Variants in HEYL observed in about 807,000 individuals in gnomAD.
HEYL encodes hairy/enhancer-of-split related with YRPW motif-like protein.
HEYL carries 12 observed loss-of-function variants against 18.6 expected under a neutral mutation model. The ratio of observed to expected loss-of-function variants is 0.65; its 90% CI spans 0.41 to 1.05. The LOEUF is 1.05. Ranked by LOEUF, HEYL falls within the 50% of genes least tolerant of loss-of-function variation. The pLI, the probability that HEYL is intolerant of heterozygous loss-of-function variation, is 0.00. For synonymous variants in HEYL, 159 were observed against 179.6 expected (o/e 0.89, Z 0.91); for missense variants, 420 against 444.7 (o/e 0.94, Z 0.50).
chr1:39,637,187 A>C (rs184427864), intron 1 of HEYL, among the ~76,000 whole-genome samples: 1 of 152,136 alleles, frequency 6.6e-6, no homozygotes, highest in East Asian at 1.9e-4. Flanking sequence ...GGGAGAGGAG[A>C]GGCTGTACTC....
At chr1:39,633,459 G>A (rs1478751612) in intron 1 of HEYL, 1 of 152,420 alleles carries the variant, frequency 6.6e-6, no homozygotes, top group East Asian at 1.9e-4. Flanking sequence ...CAGCCCAACT[G>A]CTAACCCTTC....
At chr1:39,632,204 C>G (rs1646337119) in intron 2 of HEYL, among the ~76,000 whole-genome samples, 1 of 152,220 alleles carries the variant, frequency 6.6e-6, no homozygotes, top group South Asian at 2.1e-4. Context: ...CAGCTGCATC[C>G]TGGGAGGAAA....
At chr1:39,631,950 A>G (rs1000425551) in intron 2 of HEYL, among the ~76,000 whole-genome samples, 5 of 152,226 alleles carry the variant, frequency 3.3e-5, no homozygotes, top group African/African-American at 9.6e-5. Flanking sequence ...CTGTGAGGTC[A>G]TGAGATGGTT....
At chr1:39,633,043 C>T (rs1299888926) in intron 1 of HEYL, 1 of 969,892 alleles carries the variant, frequency 1.0e-6, no homozygotes, top group African/African-American at 1.8e-5. Context: ...CGGGCGAGGG[C>T]ACTGGCCGGC....
Position 39,631,543 on chromosome 1 carries a change from T to C in HEYL, c.184A>G (p.Ser62Gly). The stretch of plus-strand genomic sequence containing the variant: ...ACCAAGCGTCGCAATTCAGAAAGGC[T>C]ACTGTTGATGCGGTCTCGACGCCGT... ...EKRRRDRINSSLSELRRLVPT... is the reference protein window; with the variant it reads ...EKRRRDRINSGLSELRRLVPT... Residue 62 changes from serine (S) to glycine (G), a missense_variant, in exon 3 of 5, where the codon AGC (serine) becomes GGC (glycine). Physicochemically the swap from Ser to Gly is moderately conservative, Grantham distance 56. Coordinates refer to ENST00000372852, the MANE Select transcript of HEYL (RefSeq NM_014571.4). The C allele has an allele frequency of 6.2e-7, 1 of 1,614,240 alleles. No homozygotes were observed. The highest frequency in any genetic ancestry group is 8.5e-7 in the Non-Finnish European group (1 of 1,180,036).
chr1:39,626,187 A>T lies in HEYL; in HGVS notation c.*320T>A. 1 of 276,536 alleles carries T rather than the reference A, an allele frequency of 3.6e-6. No individual in the cohort carries two copies. The highest frequency in any genetic ancestry group is 6.8e-6 in the Non-Finnish European group (1 of 148,130). The allele number at this position is 276,536 out of a possible 1,614,324, so 17.1% of individuals were successfully genotyped here. On this transcript the variant is annotated 3_prime_UTR_variant, in exon 5 of 5. Coordinates refer to ENST00000372852, the MANE Select transcript of HEYL (RefSeq NM_014571.4). ...AAGCTTTTTCCCAGACCCAAGGTTC[A>T]TGCCTGCTGCTGGTGTGCAGAGGGC... is the stretch of plus-strand genomic sequence containing the variant.
chr1:39,631,341 T>G (rs1646331646), intron 3 of HEYL, among the ~76,000 whole-genome samples, 155 bp downstream of exon 3: 2 of 152,192 alleles, frequency 1.3e-5, no homozygotes, highest in Non-Finnish European at 2.9e-5. Context: ...TAAGTATAAA[T>G]TTCCATTCCT....
chr1:39,628,021 C>G (rs1646310387), intron 4 of HEYL, among the ~76,000 whole-genome samples: 1 of 152,204 alleles, frequency 6.6e-6, no homozygotes, highest in Admixed American at 6.5e-5. Context: ...CAAATATTCA[C>G]ATCCTCACTG....
chr1:39,630,206 G>T, intron 4 of HEYL, 21 bp downstream of exon 4: 1 of 1,606,102 alleles, frequency 6.2e-7, no homozygotes, highest in Non-Finnish European at 8.5e-7. Flanking sequence ...AATGACGCCT[G>T]AAAGAGAAGA....
At chr1:39,636,136 G>A (rs1294828804) in intron 1 of HEYL, among the ~76,000 whole-genome samples, 2 of 152,132 alleles carry the variant, frequency 1.3e-5, no homozygotes, top group African/African-American at 4.8e-5. Flanking sequence ...CCCAAATGAA[G>A]GAATCTCAGA....
chr1:39,630,411 C>A (rs972888671), intron 3 of HEYL, 103 bp from the exon 4 acceptor site: 6 of 888,594 alleles, frequency 6.8e-6, no homozygotes, highest in Non-Finnish European at 1.1e-5. Context: ...CCTCCCACTC[C>A]ACTGCTGCCT....
intron 1 of HEYL, among the ~76,000 whole-genome samples, chr1:39,637,397 C>A (rs1023452054): frequency 2.0e-5 from 3 of 152,198 alleles, no homozygotes; most frequent in East Asian, 3.8e-4. Flanking sequence ...CTCCGTCCTG[C>A]GGCCTTTGTC....
intron 4 of HEYL, among the ~76,000 whole-genome samples, chr1:39,629,270 A>AAAT (rs956019216): frequency 2.6e-5 from 4 of 152,238 alleles, no homozygotes; most frequent in Non-Finnish European, 5.9e-5. Context: ...GGATAACCAT[A>AAAT]AATGTAATTT....
chr1:39,632,838 TC>T, intron 1 of HEYL, 123 bp from the exon 2 acceptor site: 3 of 1,522,574 alleles, frequency 2.0e-6, no homozygotes, highest in Non-Finnish European at 2.6e-6. Context: ...CTCCCCTTCT[TC>T]CTGGGGGCTC....
chr1:39,627,540 T>C (rs966001559), intron 4 of HEYL, among the ~76,000 whole-genome samples: 8 of 152,212 alleles, frequency 5.3e-5, no homozygotes, highest in Admixed American at 1.3e-4. Context: ...CTTGGAGGTG[T>C]AGAACAACTC....
chr1:39,632,981 G>T, intron 1 of HEYL: 1 of 979,236 alleles, frequency 1.0e-6, no homozygotes, highest in Non-Finnish European at 1.2e-6. Flanking sequence ...GGGGAACCGC[G>T]TACCGCGGCG....
chr1:39,637,699 T>C (rs79327614), intron 1 of HEYL, among the ~76,000 whole-genome samples: 185 of 152,342 alleles, frequency 1.2e-3, no homozygotes, highest in African/African-American at 2.9e-3. Flanking sequence ...GGGCTCTGTA[T>C]ATATAGGAAA....
chr1:39,633,366 C>A (rs902424528), intron 1 of HEYL: 1 of 152,448 alleles, frequency 6.6e-6, no homozygotes, highest in African/African-American at 2.4e-5. Flanking sequence ...GATGTTTGCT[C>A]ACACCCCAGG....
intron 1 of HEYL, among the ~76,000 whole-genome samples, chr1:39,638,319 C>T (rs1483938599): frequency 6.6e-6 from 1 of 152,110 alleles, no homozygotes; most frequent in Non-Finnish European, 1.5e-5. Context: ...GGGCCTGGCT[C>T]ACTGGCTTAT....
Sources: gnomAD v4.1 joint callset for allele counts (sites outside exome capture counted in the v4.1 genomes callset) on GRCh38, gnomAD v4.1.1 for gene constraint, MANE v1.5 for transcripts, NCBI Gene and HGNC (gene_info 2026-07-23, HGNC 2026-07-21) for gene names.